LRRC4C: variants seen among roughly 807,000 people sequenced by gnomAD.
The protein encoded by LRRC4C is leucine rich repeat containing 4C, also known as leucine-rich repeat-containing protein 4C.
In LRRC4C, 5 loss-of-function variants were observed where a neutral mutation model predicts 33.6. The observed-to-expected ratio is 0.15, with a 90% CI of 0.08 to 0.31. The LOEUF is 0.31. Among genes scored for constraint, LRRC4C ranks in the 10% least tolerant of loss-of-function variants. The pLI is 1.00. For synonymous variants in LRRC4C, 329 were observed against 302.0 expected (o/e 1.09, Z -0.93); for missense variants, 560 against 796.7 (o/e 0.70, Z 3.58).
chr11:40,324,028 A>T (rs1250296813), intron 3 of LRRC4C, among the ~76,000 whole-genome samples: 4 of 152,178 alleles, frequency 2.6e-5, no homozygotes, highest in African/African-American at 9.6e-5. Flanking sequence ...ATGAACAAGA[A>T]ATTCAGAATG....
At chr11:41,296,620 C>A (rs958210108) in intron 1 of LRRC4C, among the ~76,000 whole-genome samples, 3 of 152,042 alleles carry the variant, frequency 2.0e-5, no homozygotes, top group Non-Finnish European at 4.4e-5. Flanking sequence ...CTATGCTGTG[C>A]TTTTTTGAGG....
At chr11:40,628,204 G>A (rs1490075799) in intron 3 of LRRC4C, among the ~76,000 whole-genome samples, 9 of 152,166 alleles carry the variant, frequency 5.9e-5, no homozygotes, top group East Asian at 1.9e-4. Context: ...TCGGCCGGGC[G>A]CGGTGGCTCA....
chr11:40,874,560 T>C (rs543507679), intron 2 of LRRC4C, among the ~76,000 whole-genome samples: 1 of 152,312 alleles, frequency 6.6e-6, no homozygotes, highest in African/African-American at 2.4e-5. Flanking sequence ...TCACTTTTTT[T>C]CCCTTTCTTC....
chr11:40,927,585 T>A (rs1246853771), intron 2 of LRRC4C, among the ~76,000 whole-genome samples: 1 of 152,134 alleles, frequency 6.6e-6, no homozygotes, highest in African/African-American at 2.4e-5. Context: ...ATTATATAAG[T>A]CAATTTTGTA....
chr11:40,574,374 GC>G (rs1375508112), intron 3 of LRRC4C, among the ~76,000 whole-genome samples: 2 of 152,100 alleles, frequency 1.3e-5, no homozygotes, highest in African/African-American at 4.8e-5. Context: ...CTTAAGAGGT[GC>G]CCATGTATCC....
At chr11:41,179,280 G>A (rs1410153185) in intron 1 of LRRC4C, among the ~76,000 whole-genome samples, 1 of 151,530 alleles carries the variant, frequency 6.6e-6, no homozygotes, top group Non-Finnish European at 1.5e-5. Flanking sequence ...AGACTTTGAA[G>A]ATGGAAGAGA....
intron 1 of LRRC4C, among the ~76,000 whole-genome samples, chr11:41,223,688 T>C (rs1947405153): frequency 6.6e-6 from 1 of 152,176 alleles, no homozygotes. Context: ...AGGCAACCAA[T>C]TCTAGTAAAG....
At chr11:41,152,792 T>G (rs1030632020) in intron 1 of LRRC4C, among the ~76,000 whole-genome samples, 15 of 152,288 alleles carry the variant, frequency 9.8e-5, no homozygotes, top group African/African-American at 3.6e-4. Context: ...AAGGATAACT[T>G]TTTTTGAATG....
chr11:41,244,179 A>G (rs1277259143), intron 1 of LRRC4C, among the ~76,000 whole-genome samples: 1 of 150,874 alleles, frequency 6.6e-6, no homozygotes, highest in Non-Finnish European at 1.5e-5. Flanking sequence ...TTCTCTATCT[A>G]TCTATCTATC....
chr11:41,375,302 G>T, intron 1 of LRRC4C, among the ~76,000 whole-genome samples: 1 of 152,068 alleles, frequency 6.6e-6, no homozygotes, highest in East Asian at 1.9e-4. Flanking sequence ...GGTGCTAACA[G>T]GAAATCAGAA....
intron 3 of LRRC4C, among the ~76,000 whole-genome samples, chr11:40,584,956 A>G (rs1180411348): frequency 1.3e-5 from 2 of 148,510 alleles, no homozygotes; most frequent in East Asian, 1.9e-4. Context: ...AAAAAGAAAA[A>G]AAAAAAAAAA....
At chr11:40,858,168 G>A (rs981444585) in intron 2 of LRRC4C, among the ~76,000 whole-genome samples, 43 of 152,176 alleles carry the variant, frequency 2.8e-4, no homozygotes, top group Middle Eastern at 3.4e-3. Flanking sequence ...CTTCTCAGTC[G>A]TCATACGTAG....
intron 3 of LRRC4C, among the ~76,000 whole-genome samples, chr11:40,394,612 A>G (rs903380380): frequency 2.0e-5 from 3 of 152,168 alleles, no homozygotes; most frequent in African/African-American, 4.8e-5. Flanking sequence ...TCATAAATCT[A>G]GTTCCACATG....
intron 3 of LRRC4C, among the ~76,000 whole-genome samples, chr11:40,444,588 A>G (rs1951546787): frequency 6.6e-6 from 1 of 151,930 alleles, no homozygotes; most frequent in Admixed American, 6.6e-5. Context: ...ACAATCTTTT[A>G]TTTGCCTAAT....
intron 2 of LRRC4C, among the ~76,000 whole-genome samples, chr11:40,878,192 CG>C (rs1565161251): frequency 6.6e-6 from 1 of 152,020 alleles, no homozygotes; most frequent in East Asian, 1.9e-4. Context: ...AAATAAGTGT[CG>C]GATTCTGACT....
chr11:40,567,624 C>T (rs1957817356), intron 3 of LRRC4C, among the ~76,000 whole-genome samples: 1 of 152,134 alleles, frequency 6.6e-6, no homozygotes, highest in African/African-American at 2.4e-5. Context: ...GCTCTCCAGT[C>T]CCATGACTCT....
intron 1 of LRRC4C, among the ~76,000 whole-genome samples, chr11:41,136,322 C>T (rs1282216472): frequency 1.3e-5 from 2 of 151,982 alleles, no homozygotes; most frequent in Admixed American, 1.3e-4. Context: ...GCAAAGGAAA[C>T]AATATGTGAA....
intron 3 of LRRC4C, among the ~76,000 whole-genome samples, chr11:40,482,403 C>T (rs1393941597): frequency 2.0e-5 from 3 of 152,030 alleles, no homozygotes; most frequent in Non-Finnish European, 2.9e-5. Flanking sequence ...GAGACTTTCT[C>T]CTACTGTAGA....
At chr11:40,552,406 C>T (rs562869126) in intron 3 of LRRC4C, among the ~76,000 whole-genome samples, 1 of 152,292 alleles carries the variant, frequency 6.6e-6, no homozygotes. Flanking sequence ...ATCATGCAGA[C>T]TTCAAAGCCC....
Sources: allele counts gnomAD v4.1 joint callset (sites outside exome capture counted in the v4.1 genomes callset), GRCh38; gene constraint gnomAD v4.1.1; transcripts MANE v1.5; gene names NCBI Gene and HGNC (gene_info 2026-07-23, HGNC 2026-07-21).